Variants in PCID2 observed in about 807,000 individuals in gnomAD.
PCID2 encodes the protein PCI domain-containing protein 2.
Under a neutral mutation model 61.3 loss-of-function variants are expected in PCID2, and 41 were observed. The observed-to-expected ratio is 0.67, with a 90% confidence interval of 0.52 to 0.87. The LOEUF (loss-of-function observed/expected upper bound fraction) is 0.87, where lower values mean the gene tolerates loss of function less well. PCID2 is among the 40% of genes least tolerant of loss of function. The probability of loss-of-function intolerance (pLI) is 0.00; values close to 1 mark genes in which losing one functional copy is unlikely to be tolerated. For missense variants in PCID2, 392 were observed against 493.4 expected, an observed-to-expected ratio of 0.79 and a Z score of 1.95; for synonymous variants, 187 against 177.8, an observed-to-expected ratio of 1.05 and a Z score of -0.41.
intron 2 of PCID2, among the ~76,000 whole-genome samples, chr13:113,199,915 C>T (rs1427447646): frequency 1.3e-5 from 2 of 152,158 alleles, no homozygotes; most frequent in Non-Finnish European, 2.9e-5. Flanking sequence ...GGAACACACT[C>T]CAATATGATA....
At chr13:113,206,566 A>C (rs886595560) in intron 1 of PCID2, among the ~76,000 whole-genome samples, 1 of 152,238 alleles carries the variant, frequency 6.6e-6, no homozygotes, top group Non-Finnish European at 1.5e-5. Flanking sequence ...TTTTATTCCC[A>C]AAGAGATACA....
Position 113,208,501 on chromosome 13 carries a change from C to A in PCID2, c.36+98G>T, listed in dbSNP as rs2040124718. On this transcript the variant is annotated intron_variant, in intron 1 of 13. Transcript: ENST00000337344. ...CCCGAACGGAAGAAGGGTGGCGAGG[C>A]GGGAAAGGAAAAGGCCTGAGGGTCC... The A allele has an allele frequency of 5.8e-6, 9 of 1,547,938 alleles. No individual in the cohort carries two copies. The Admixed American group carries it at 9.7e-5, about 17-fold the overall frequency.
intron 9 of PCID2, among the ~76,000 whole-genome samples, chr13:113,182,381 TGA>T (rs2037720043): frequency 6.6e-6 from 1 of 152,208 alleles, no homozygotes; most frequent in Non-Finnish European, 1.5e-5. Context: ...AAGGATTCAC[TGA>T]GAGTCTGCAA....
chr13:113,171,069 T>C, the PCID2 span, among the ~76,000 whole-genome samples: 3 of 152,022 alleles, frequency 2.0e-5, no homozygotes, highest in African/African-American at 7.2e-5. This position sits in a 1 kb window ranked among gnomAD's most constrained non-coding sequence, Gnocchi z 5.1. Context: ...ACTACAGGCA[T>C]GCACCACCAT....
At chr13:113,182,283 G>A (rs1021154526) in intron 9 of PCID2, among the ~76,000 whole-genome samples, 4 of 152,158 alleles carry the variant, frequency 2.6e-5, no homozygotes, top group Non-Finnish European at 5.9e-5. Context: ...GTCTTGCACA[G>A]TGAGCGTGAA....
intron 13 of PCID2, 45 bp downstream of exon 13, chr13:113,178,921 T>A (rs997124569): frequency 3.2e-6 from 5 of 1,579,612 alleles, no homozygotes; most frequent in Non-Finnish European, 4.3e-6. Context: ...CTGGGCTGAA[T>A]CTTGCTGTGA....
At chr13:113,165,899 G>C in the PCID2 span, among the ~76,000 whole-genome samples, 3 of 152,326 alleles carry the variant, frequency 2.0e-5, no homozygotes, top group Admixed American at 1.3e-4. Flanking sequence ...AGCACAAGTA[G>C]TCAGCTATTT....
At chr13:113,199,079 G>C (rs964872899) in intron 2 of PCID2, among the ~76,000 whole-genome samples, 1 of 152,192 alleles carries the variant, frequency 6.6e-6, no homozygotes, top group Non-Finnish European at 1.5e-5. Context: ...CTCAACAGGT[G>C]ATGGTTAATT....
At chr13:113,200,058 G>C (rs2039301049) in intron 2 of PCID2, among the ~76,000 whole-genome samples, 1 of 152,186 alleles carries the variant, frequency 6.6e-6, no homozygotes, top group Admixed American at 6.5e-5. Context: ...GCCTTGGCTT[G>C]CCAGCCTTTC....
chr13:113,176,790 T>C (rs1306532171), downstream of PCID2, among the ~76,000 whole-genome samples: 7 of 152,082 alleles, frequency 4.6e-5, no homozygotes, highest in Admixed American at 3.3e-4. Flanking sequence ...GTCATCTCTA[T>C]CTGTACCATC....
At chr13:113,205,144 C>T (rs1208990269) in intron 1 of PCID2, among the ~76,000 whole-genome samples, 1 of 152,218 alleles carries the variant, frequency 6.6e-6, no homozygotes, top group African/African-American at 2.4e-5. Flanking sequence ...ATTCCATAAA[C>T]TCTTGAAAGA....
At chr13:113,193,586 G>A (rs889994536) in intron 6 of PCID2, among the ~76,000 whole-genome samples, 2 of 152,066 alleles carry the variant, frequency 1.3e-5, no homozygotes, top group African/African-American at 4.8e-5. Context: ...AGTCAGTTAT[G>A]TTACATGTAA....
At position 113,180,987 on chromosome 13, in the gene PCID2, C is replaced by T. The variant is rs372448536; in HGVS notation, c.786+143G>A. 3.8e-5 allele frequency: 23 copies of T among 600,444 alleles called. 1 individual carries two copies. The highest frequency in any genetic ancestry group is 2.8e-4 in the Middle Eastern group (1 of 3,536). The allele number at this position is 600,444 out of a possible 1,614,324, so 37.2% of individuals were successfully genotyped here. On this transcript the variant is annotated intron_variant, in intron 10 of 13. Transcript: ENST00000337344. ...GGGTTTGGGCCACACACAATGCATG[C>T]GCCTTCTTTATTTTGGGGTGTGCTC...
chr13:113,182,996 A>C (rs188499316), intron 9 of PCID2, among the ~76,000 whole-genome samples: 18 of 152,346 alleles, frequency 1.2e-4, no homozygotes, highest in African/African-American at 4.1e-4. Flanking sequence ...ATAATATAAA[A>C]TCACAGGAAA....
the PCID2 span, chr13:113,165,296 ATAAC>A: frequency 1.4e-6 from 1 of 695,384 alleles, no homozygotes. Context: ...TGCCGAGTTC[ATAAC>A]TAATACAAAA....
chr13:113,183,960 G>C, intron 9 of PCID2: 1 of 985,284 alleles, frequency 1.0e-6, no homozygotes, highest in Non-Finnish European at 1.2e-6. Flanking sequence ...GGGATGTGTA[G>C]GTCATGAAGT....
chr13:113,199,087 A>C (rs115365370), intron 2 of PCID2, among the ~76,000 whole-genome samples: 2,608 of 152,290 alleles, frequency 0.017, 72 homozygotes, highest in African/African-American at 0.058. Context: ...GTGATGGTTA[A>C]TTTTGCCAAC....
chr13:113,173,657 C>T (rs2037149686), downstream of PCID2, among the ~76,000 whole-genome samples: 1 of 152,120 alleles, frequency 6.6e-6, no homozygotes. Flanking sequence ...TCTGAAAGGT[C>T]CTTGGCAAAA....
intron 1 of PCID2, among the ~76,000 whole-genome samples, chr13:113,207,484 C>T (rs1370707238): frequency 6.6e-6 from 1 of 152,070 alleles, no homozygotes; most frequent in African/African-American, 2.4e-5. Flanking sequence ...AAAACAGACA[C>T]AGCCTAAAGA....
Sources: allele counts gnomAD v4.1 joint callset (sites outside exome capture counted in the v4.1 genomes callset), GRCh38; gene constraint gnomAD v4.1.1; non-coding constraint Gnocchi (gnomAD v3.1); transcripts MANE v1.5; gene names NCBI Gene and HGNC (gene_info 2026-07-23, HGNC 2026-07-21).